Variants in PRDM11 observed in about 807,000 individuals in gnomAD.
The protein encoded by PRDM11 is PR domain-containing protein 11.
PRDM11 carries 20 observed loss-of-function variants against 97.8 expected under a neutral mutation model. The ratio of observed to expected loss-of-function variants is 0.20; its 90% CI spans 0.14 to 0.30. The LOEUF is 0.30. Among genes scored for constraint, PRDM11 ranks in the 10% least tolerant of loss-of-function variants. The pLI is 1.00. For synonymous variants in PRDM11, 599 were observed against 637.7 expected (o/e 0.94, Z 0.91); for missense variants, 1,139 against 1,555.2 (o/e 0.73, Z 4.50).
chr11:45,207,501 T>C (rs1429593573), intron 5 of PRDM11, among the ~76,000 whole-genome samples: 1 of 152,178 alleles, frequency 6.6e-6, no homozygotes, highest in Non-Finnish European at 1.5e-5. Flanking sequence ...AGGATGTTGA[T>C]AAAATCCTGC....
chr11:45,164,528 G>A (rs554323781), intron 1 of PRDM11, among the ~76,000 whole-genome samples: 19 of 152,370 alleles, frequency 1.2e-4, no homozygotes, highest in South Asian at 2.1e-4. Context: ...GCCAGCCACC[G>A]TGAGGGCTGT....
rs1250211665 is a variant in PRDM11, at chr11:45,230,632, G to A, written c.*2473G>A. 3 of 152,264 alleles carry A rather than the reference G, an allele frequency of 2.0e-5. No homozygotes were observed. Among genetic ancestry groups the A allele is most frequent in the Non-Finnish European group, 4.4e-5 (3 of 68,070 alleles). The allele number at this position is 152,264 out of a possible 1,614,324, so 9.4% of individuals were successfully genotyped here. On this transcript the variant is annotated 3_prime_UTR_variant, in exon 8 of 8. Coordinates refer to ENST00000683152, the MANE Select transcript of PRDM11 (RefSeq NM_001384648.1). ...TTGCAGAGACTAAGAAGGGTTGAGG[G>A]CAGAGATGGCTAGCAAGACAGGGCT...
intron 1 of PRDM11, among the ~76,000 whole-genome samples, chr11:45,099,550 C>CT (rs11450958): frequency 0.081 from 11,829 of 146,686 alleles, 1,545 homozygotes; most frequent in African/African-American, 0.27. Flanking sequence ...CTTACACTGC[C>CT]TTTTTTTTTT....
chr11:45,112,788 T>TTGTGTG lies in PRDM11; in HGVS notation c.96+16905_96+16910dup, dbSNP rs113245678. On this transcript the variant is annotated intron_variant, in intron 1 of 6. Coordinates refer to the PRDM11 transcript ENST00000530656. ...TTTGCCCACTTTTTGATGGGATTATTTGTGTGTGTGTGTGTGTGTGTGTTT... is the reference window on the plus strand; with the variant it reads ...TTTGCCCACTTTTTGATGGGATTATTTGTGTGTGTGTGTGTGTGTGTGTGTGTGTTT... Among the ~76,000 whole-genome samples the TTGTGTG allele has an allele frequency of 5.6e-3, 847 of 149,928 alleles. 6 individuals are homozygous for TTGTGTG. Among genetic ancestry groups the TTGTGTG allele is most frequent in the African/African-American group, 0.02 (801 of 41,016 alleles).
Position 45,227,133 on chromosome 11 carries a change from C to T in PRDM11, c.2508C>T (p.Asn836=), listed in dbSNP as rs781330665. 9 of 1,533,852 alleles carry T rather than the reference C, an allele frequency of 5.9e-6. No homozygotes were observed. The highest frequency in any genetic ancestry group is 2.4e-5 in the East Asian group (1 of 40,928). Residue 836 remains asparagine, a synonymous_variant, in exon 8 of 8, where the codon AAC becomes AAT. Coordinates refer to ENST00000683152, the MANE Select transcript of PRDM11 (RefSeq NM_001384648.1). This position sits in a 1 kb window ranked among gnomAD's most constrained non-coding sequence, Gnocchi z 8.0. The part of the protein sequence containing the change: ...RWIIGEQNVL[N]ALIKDYLEVV... ...TCATCGGCGAGCAGAACGTCCTCAACGCTCTCATCAAGGACTACCTGGAGG... is the reference window on the plus strand; with the variant it reads ...TCATCGGCGAGCAGAACGTCCTCAATGCTCTCATCAAGGACTACCTGGAGG...
At chr11:45,130,669 C>A (rs182927060) in intron 1 of PRDM11, among the ~76,000 whole-genome samples, 6 of 152,220 alleles carry the variant, frequency 3.9e-5, no homozygotes, top group Admixed American at 3.3e-4. Flanking sequence ...ATTAAGTGTA[C>A]ACCAAATTTT....
At chr11:45,185,904 A>G (rs1231363808) in intron 4 of PRDM11, among the ~76,000 whole-genome samples, 4 of 152,086 alleles carry the variant, frequency 2.6e-5, no homozygotes, top group Admixed American at 2.0e-4. Flanking sequence ...AATCACAGGC[A>G]TCTTAATAAG....
intron 1 of PRDM11, among the ~76,000 whole-genome samples, chr11:45,102,732 T>C (rs1367805871): frequency 5.3e-5 from 8 of 152,086 alleles, no homozygotes; most frequent in Admixed American, 1.3e-4. Flanking sequence ...CTGGCCGCCC[T>C]GGTGGATGCT....
intron 1 of PRDM11, among the ~76,000 whole-genome samples, chr11:45,096,971 C>T (rs1165458083): frequency 6.6e-6 from 1 of 152,186 alleles, no homozygotes; most frequent in Non-Finnish European, 1.5e-5. Context: ...CTCCTCTGAG[C>T]CTCCTTTTTC....
chr11:45,201,174 G>A (rs956187570), intron 4 of PRDM11, among the ~76,000 whole-genome samples: 1 of 152,174 alleles, frequency 6.6e-6, no homozygotes, highest in African/African-American at 2.4e-5. Flanking sequence ...ACCCTAGAGA[G>A]CATAGAAAAT....
intron 1 of PRDM11, among the ~76,000 whole-genome samples, chr11:45,117,362 C>T (rs1028982327): frequency 6.6e-6 from 1 of 151,984 alleles, no homozygotes; most frequent in East Asian, 1.9e-4. Flanking sequence ...ATATAAGTCA[C>T]TGATGCAATA....
intron 1 of PRDM11, among the ~76,000 whole-genome samples, chr11:45,136,452 A>T (rs953440972): frequency 6.6e-6 from 1 of 152,156 alleles, no homozygotes; most frequent in African/African-American, 2.4e-5. Context: ...GGAGGCATCT[A>T]AAGTATTACC....
intron 4 of PRDM11, among the ~76,000 whole-genome samples, chr11:45,201,143 G>A (rs1853312495): frequency 6.6e-6 from 1 of 152,180 alleles, no homozygotes; most frequent in Non-Finnish European, 1.5e-5. Context: ...TTTCTACTCT[G>A]CAGCTACAGT....
At chr11:45,203,256 C>G (rs1853392637) in intron 4 of PRDM11, among the ~76,000 whole-genome samples, 1 of 151,982 alleles carries the variant, frequency 6.6e-6, no homozygotes, top group African/African-American at 2.4e-5. Context: ...CAAAACTTAT[C>G]AAGTTGTACC....
At chr11:45,193,123 G>A (rs896023943) in intron 4 of PRDM11, among the ~76,000 whole-genome samples, 1 of 152,112 alleles carries the variant, frequency 6.6e-6, no homozygotes, top group South Asian at 2.1e-4. Flanking sequence ...TATTGCCCAG[G>A]CTGAGTGCAA....
chr11:45,224,817 A>G lies in PRDM11; in HGVS notation c.1343A>G (p.Glu448Gly). 1 of 1,614,042 alleles carries G rather than the reference A, an allele frequency of 6.2e-7. No individual in the cohort carries two copies. Among genetic ancestry groups the G allele is most frequent in the African/African-American group, 1.3e-5 (1 of 75,036 alleles). The change falls in exon 7 of 8, where the codon GAG becomes GGG. Residue 448 changes from glutamate to glycine, a missense_variant. Glu to Gly is a moderately conservative substitution (Grantham distance 98, BLOSUM62 -2). Around this residue, in one of 2 missense-constraint regions of PRDM11, gnomAD observed 710 missense variants for 1,044.9 expected, o/e 0.68. Coordinates refer to ENST00000683152, the MANE Select transcript of PRDM11 (RefSeq NM_001384648.1). ...EPPVLPPQVLELPEFSDPAAS... is the reference protein window; with the variant it reads ...EPPVLPPQVLGLPEFSDPAAS... ...CCCGTATTGCCACCACAGGTACTGG[A>G]GCTCCCAGAGTTCTCGGACCCTGCA... is the stretch of plus-strand genomic sequence containing the variant.
At chr11:45,215,221 A>T (rs1853921913) in intron 5 of PRDM11, among the ~76,000 whole-genome samples, 1 of 152,092 alleles carries the variant, frequency 6.6e-6, no homozygotes, top group East Asian at 1.9e-4. Context: ...AGGCTTCTCA[A>T]AGTAACCAAA....
At chr11:45,131,815 A>G (rs1852727580) in intron 1 of PRDM11, among the ~76,000 whole-genome samples, 1 of 152,230 alleles carries the variant, frequency 6.6e-6, no homozygotes, top group Non-Finnish European at 1.5e-5. Flanking sequence ...AGGGCAGATT[A>G]TTATCTCAAA....
chr11:45,213,387 C>G, intron 5 of PRDM11: 1 of 447,126 alleles, frequency 2.2e-6, no homozygotes, highest in Non-Finnish European at 4.5e-6. Flanking sequence ...GTCCCACTTT[C>G]CAACCTTGGG....
Sources: gnomAD v4.1 joint callset for allele counts (sites outside exome capture counted in the v4.1 genomes callset) on GRCh38, gnomAD v4.1.1 for gene constraint, gnomAD v4.1.1 regional missense constraint, Gnocchi (gnomAD v3.1) non-coding constraint, MANE v1.5 for transcripts, NCBI Gene and HGNC (gene_info 2026-07-23, HGNC 2026-07-21) for gene names.